The following ABCA13 variants were observed in gnomAD, a reference collection of about 807,000 sequenced individuals.
ABCA13 encodes ATP-binding cassette sub-family A member 13.
A neutral mutation model predicts 478.7 loss-of-function variants in ABCA13; 476 were observed. The ratio of observed to expected loss-of-function variants is 0.99; its 90% confidence interval spans 0.92 to 1.07. ABCA13 has a LOEUF of 1.07. ABCA13 is among the 50% of genes least tolerant of loss of function. The pLI is 0.00. For missense variants in ABCA13, 6,060 were observed against 5,910.6 expected, an observed-to-expected ratio of 1.03 and a Z score of -0.83; for synonymous variants, 2,252 against 2,158.9, an observed-to-expected ratio of 1.04 and a Z score of -1.20.
chr7:48,431,507 A>G (rs1201185344), intron 42 of ABCA13, among the ~76,000 whole-genome samples: 2 of 152,178 alleles, frequency 1.3e-5, no homozygotes, highest in Non-Finnish European at 2.9e-5. Context: ...CATCTGTAAT[A>G]TTTAGTTTGT....
At chr7:48,386,018 T>C (rs1032199523) in intron 35 of ABCA13, among the ~76,000 whole-genome samples, 5 of 152,210 alleles carry the variant, frequency 3.3e-5, no homozygotes, top group Non-Finnish European at 7.3e-5. Context: ...TGTTTTTTGC[T>C]TAATTTATTT....
At chr7:48,586,895 G>T (rs1030135597) in intron 56 of ABCA13, among the ~76,000 whole-genome samples, 9 of 151,982 alleles carry the variant, frequency 5.9e-5, no homozygotes, top group Non-Finnish European at 1.3e-4. Context: ...TGTGTTTCTT[G>T]CCCACCCTTC....
intron 41 of ABCA13, among the ~76,000 whole-genome samples, chr7:48,424,582 G>A (rs768969537): frequency 4.6e-5 from 7 of 152,276 alleles, no homozygotes; most frequent in Non-Finnish European, 8.8e-5. Context: ...TACTGATGAC[G>A]CTAAGTGAGG....
In ABCA13 at chr7:48,405,231, C is replaced by T. The variant is rs549024067; in HGVS notation, c.12070+1352C>T. ...AGCCGTCTGCAGTCAGCAGGACCTA[C>T]TGTGAGGCCTAGACAGCCTGGGAGC... On this transcript the variant is annotated intron_variant, in intron 39 of 61. Transcript: ENST00000435803. Among the ~76,000 whole-genome samples the T allele has an allele frequency of 4.6e-5, 7 of 152,342 alleles. No individual in the cohort carries two copies. The South Asian group carries it at 6.2e-4, about 14-fold the overall frequency.
At chr7:48,267,688 C>A (rs1795049209) in intron 15 of ABCA13, among the ~76,000 whole-genome samples, 1 of 151,958 alleles carries the variant, frequency 6.6e-6, no homozygotes, top group Non-Finnish European at 1.5e-5. Flanking sequence ...TTTGCATCAA[C>A]CTAATAGTAT....
Position 48,394,090 on chromosome 7 carries a change from T to G in ABCA13, c.11873+1951T>G, listed in dbSNP as rs145961667. Reference sequence around the variant, plus strand: ...CTCCACATGGAGTGCTCCTTAGAAATGTACCCAGGTCCTGGCCCTTCTCTG... The same window carrying G: ...CTCCACATGGAGTGCTCCTTAGAAAGGTACCCAGGTCCTGGCCCTTCTCTG... On this transcript the variant is annotated intron_variant, in intron 38 of 61. Transcript: ENST00000435803. Among the ~76,000 whole-genome samples the G allele has an allele frequency of 1.9e-3, 293 of 152,330 alleles. 2 individuals are homozygous for G. Among genetic ancestry groups the G allele is most frequent in the African/African-American group, 6.8e-3 (283 of 41,566 alleles).
In ABCA13 at chr7:48,273,758, T is replaced by C. The variant is rs1795933764; in HGVS notation, c.4092T>C (p.Tyr1364=). 3 of 1,610,644 alleles carry C rather than the reference T, an allele frequency of 1.9e-6. No homozygotes were observed. Among genetic ancestry groups the C allele is most frequent in the East Asian group, 2.2e-5 (1 of 44,768 alleles). ...TECILEDGFL[Y]VNTSQRMLRI... ...GTATTTTAGAAGATGGCTTTTTATA[T>C]GTAAATACCTCACAGAGGATGTTAC... The change falls in exon 17 of 62, where the codon TAT becomes TAC. Residue 1364 remains tyrosine, a synonymous_variant. Coordinates refer to ENST00000435803, the MANE Select transcript of ABCA13 (RefSeq NM_152701.5).
intron 29 of ABCA13, among the ~76,000 whole-genome samples, chr7:48,340,617 G>A (rs1807010333): frequency 6.6e-6 from 1 of 152,038 alleles, no homozygotes; most frequent in Admixed American, 6.6e-5. Flanking sequence ...TCACAAAAAT[G>A]ATTATACTGT....
Position 48,341,653 on chromosome 7 carries a change from C to T in ABCA13, c.10204+3198C>T, listed in dbSNP as rs1226923950. ...TCAATTTTTATTAGTCTTAAAAAAA[C>T]CCACCGTTTATGGCCTTATATTTCA... On this transcript the variant is annotated intron_variant, in intron 29 of 61. Transcript: ENST00000435803. 4.6e-5 allele frequency among the ~76,000 whole-genome samples: 7 copies of T among 151,300 alleles called. No individual in the cohort carries two copies. In the South Asian group the frequency reaches 1.5e-3, roughly 32 times the overall value.
At position 48,182,723 on chromosome 7, in the gene ABCA13, A is replaced by G. The variant is rs1584008030; in HGVS notation, c.70-10236A>G. Among the ~76,000 whole-genome samples, 4 of 152,350 alleles carry G rather than the reference A, an allele frequency of 2.6e-5. No individual in the cohort carries two copies. The South Asian group carries it at 8.3e-4, about 32-fold the overall frequency. ...TCTTTCTGTCAGTATCCAACTAACT[A>G]AAAGGTTTGCAAAAATTCACTTGGG... is the stretch of plus-strand genomic sequence containing the variant. On this transcript the variant is annotated intron_variant, in intron 1 of 61. Transcript: ENST00000435803.
chr7:48,271,946 C>T lies in ABCA13; in HGVS notation c.2280C>T (p.Leu760=), dbSNP rs1324396054. ...CCATTGTTCCCAGTTTCCACAGCCT[C>T]CCATCTCTCACAGAGGATATTCTGA... is the stretch of plus-strand genomic sequence containing the variant. The part of the protein sequence containing the change: ...DSSIVPSFHS[L]PSLTEDILNI... Residue 760 remains leucine (L), a synonymous_variant, in exon 17 of 62, where the codon CTC becomes CTT. Transcript: ENST00000435803. 2 of 1,613,600 alleles carry T rather than the reference C, an allele frequency of 1.2e-6. No individual in the cohort carries two copies. Among genetic ancestry groups the T allele is most frequent in the East Asian group, 2.2e-5 (1 of 44,858 alleles).
At chr7:48,292,602 G>A (rs1197694440) in intron 20 of ABCA13, among the ~76,000 whole-genome samples, 3 of 152,108 alleles carry the variant, frequency 2.0e-5, no homozygotes, top group African/African-American at 7.2e-5. Flanking sequence ...TGCCCTCCCC[G>A]GCACTCTCTT....
At chr7:48,383,674 A>G (rs1814741741) in intron 35 of ABCA13, among the ~76,000 whole-genome samples, 1 of 152,154 alleles carries the variant, frequency 6.6e-6, no homozygotes, top group Admixed American at 6.5e-5. Context: ...GTTTATTGTA[A>G]AATGTTTGAA....
At chr7:48,556,287 A>G (rs67764854) in intron 55 of ABCA13, among the ~76,000 whole-genome samples, 21,063 of 151,856 alleles carry the variant, frequency 0.14, 1,831 homozygotes, top group African/African-American at 0.23. Flanking sequence ...GAAGCTGTGG[A>G]GGGAAAGGTT....
At chr7:48,412,228 TATTTC>T in intron 40 of ABCA13, 120 bp from the exon 41 acceptor site, 1 of 696,100 alleles carries the variant, frequency 1.4e-6, no homozygotes, top group Non-Finnish European at 2.4e-6. Flanking sequence ...TTAAGTGTGA[TATTTC>T]ATTTAAGCTT....
intron 3 of ABCA13, among the ~76,000 whole-genome samples, chr7:48,209,584 A>G (rs1785356825): frequency 6.6e-6 from 1 of 152,156 alleles, no homozygotes; most frequent in Non-Finnish European, 1.5e-5. Context: ...TTGTGGTTCA[A>G]TATTGGTATG....
chr7:48,515,075 T>A (rs1178699329), intron 51 of ABCA13, among the ~76,000 whole-genome samples: 1 of 152,168 alleles, frequency 6.6e-6, no homozygotes, highest in Non-Finnish European at 1.5e-5. Context: ...AGAGTTAACT[T>A]GAGGGCCTGG....
In ABCA13 at chr7:48,466,905, G is replaced by A. The variant is rs1826935821; in HGVS notation, c.12816-51G>A. On this transcript the variant is annotated intron_variant, in intron 43 of 61. Transcript: ENST00000435803. Reference sequence around the variant, plus strand: ...GCAGCTGGTTCTCCATTCTCTGTTGGGAGCCACTAATAATCCCACTTTGTT... The same window carrying A: ...GCAGCTGGTTCTCCATTCTCTGTTGAGAGCCACTAATAATCCCACTTTGTT... 3 of 1,569,224 alleles carry A rather than the reference G, an allele frequency of 1.9e-6. 1 individual carries two copies. Among genetic ancestry groups the A allele is most frequent in the East Asian group, 2.2e-5 (1 of 44,624 alleles).
intron 2 of ABCA13, among the ~76,000 whole-genome samples, chr7:48,195,731 G>A (rs1189122848): frequency 6.6e-6 from 1 of 152,164 alleles, no homozygotes; most frequent in African/African-American, 2.4e-5. Flanking sequence ...GCCTCAAGAA[G>A]AGCACATTCA....
Sources: allele counts gnomAD v4.1 joint callset (sites outside exome capture counted in the v4.1 genomes callset), GRCh38; gene constraint gnomAD v4.1.1; transcripts MANE v1.5; gene names NCBI Gene and HGNC (gene_info 2026-07-23, HGNC 2026-07-21).